The following FRMD4B variants were observed in gnomAD, a reference collection of about 807,000 sequenced individuals.
FRMD4B encodes the protein FERM domain containing 4B.
A neutral mutation model predicts 141.5 loss-of-function variants in FRMD4B; 74 were observed. That is an observed-to-expected ratio of 0.52 (90% confidence interval 0.43 to 0.63). The LOEUF is 0.63. Ranked by LOEUF, FRMD4B falls within the 30% of genes least tolerant of loss-of-function variation. The probability of loss-of-function intolerance (pLI) is 0.00; values close to 1 mark genes in which losing one functional copy is unlikely to be tolerated. For missense variants in FRMD4B, 1,366 were observed against 1,253.4 expected (o/e 1.09, Z -1.36); for synonymous variants, 506 against 467.9 (o/e 1.08, Z -1.05).
upstream of FRMD4B, chr3:69,386,261 T>G: frequency 3.0e-6 from 1 of 338,520 alleles, no homozygotes; most frequent in South Asian, 1.0e-4. Flanking sequence ...TGTGCTAAGC[T>G]CCACCAAGCT....
chr3:69,247,570 T>G (rs150654285), intron 7 of FRMD4B, among the ~76,000 whole-genome samples: 3,026 of 152,298 alleles, frequency 0.02, 94 homozygotes, highest in Admixed American at 0.071. Context: ...CACTGCAACC[T>G]TCGCCTCCCA....
intron 22 of FRMD4B, among the ~76,000 whole-genome samples, chr3:69,173,189 G>T (rs1314260171): frequency 6.6e-6 from 1 of 152,040 alleles, no homozygotes; most frequent in Non-Finnish European, 1.5e-5. Flanking sequence ...GGAGGTGAAA[G>T]AAAAAAGTTA....
At chr3:69,327,118 T>C (rs150984489) in intron 1 of FRMD4B, among the ~76,000 whole-genome samples, 1 of 152,316 alleles carries the variant, frequency 6.6e-6, no homozygotes, top group Non-Finnish European at 1.5e-5. Context: ...ATGAAAGTTC[T>C]CCAGTTGCCT....
intron 1 of FRMD4B, among the ~76,000 whole-genome samples, chr3:69,475,850 C>T (rs900921079): frequency 6.6e-5 from 10 of 151,802 alleles, no homozygotes; most frequent in African/African-American, 2.4e-4. Flanking sequence ...TATTTCTCCA[C>T]ATCCTCTCCA....
Position 69,287,808 on chromosome 3 carries a change from T to C in FRMD4B, c.445A>G (p.Lys149Glu). Reference sequence around the variant, plus strand: ...AACAGCTCCACGGTGGTTTTATCCTTTAAAAACGATATGCTCTCAATGTAA... The same window carrying C: ...AACAGCTCCACGGTGGTTTTATCCTCTAAAAACGATATGCTCTCAATGTAA... ...RFYIESISFL[K>E]DKTTVELFFL... Residue 149 changes from lysine to glutamate, a missense_variant, in exon 5 of 23, where the codon AAG becomes GAG. Physicochemically the swap from Lys to Glu is moderately conservative, Grantham distance 56. Coordinates refer to ENST00000398540, the MANE Select transcript of FRMD4B (RefSeq NM_015123.3). The C allele has an allele frequency of 6.3e-7, 1 of 1,591,288 alleles. No individual in the cohort carries two copies. Among genetic ancestry groups the C allele is most frequent in the Non-Finnish European group, 8.6e-7 (1 of 1,163,250 alleles).
At chr3:69,347,389 T>G (rs978075587) in intron 1 of FRMD4B, among the ~76,000 whole-genome samples, 10 of 152,092 alleles carry the variant, frequency 6.6e-5, no homozygotes, top group Non-Finnish European at 1.2e-4. Flanking sequence ...AATGGGAGAT[T>G]TTAACACTCC....
At chr3:69,295,939 C>T (rs895603735) in intron 4 of FRMD4B, among the ~76,000 whole-genome samples, 4 of 152,158 alleles carry the variant, frequency 2.6e-5, no homozygotes, top group Admixed American at 6.5e-5. Flanking sequence ...GCCTCAGCCT[C>T]CCGCGTAGCT....
intron 1 of FRMD4B, among the ~76,000 whole-genome samples, chr3:69,449,073 T>G (rs900241401): frequency 1.3e-5 from 2 of 152,142 alleles, no homozygotes; most frequent in African/African-American, 4.8e-5. Flanking sequence ...AAAATTAATA[T>G]TCAACAGGCT....
At chr3:69,185,330 G>GAAA (rs1559694051) in intron 19 of FRMD4B, among the ~76,000 whole-genome samples, 3 of 150,688 alleles carry the variant, frequency 2.0e-5, no homozygotes, top group East Asian at 1.9e-4. Context: ...AAGAAAAAAA[G>GAAA]AAGAAACATA....
chr3:69,310,172 C>T (rs577330526), intron 3 of FRMD4B, among the ~76,000 whole-genome samples: 39 of 152,276 alleles, frequency 2.6e-4, no homozygotes, highest in African/African-American at 9.4e-4. Context: ...CCTGATAATT[C>T]AGCTGCTTGG....
Position 69,413,803 on chromosome 3 carries a change from T to C in FRMD4B, c.-1+18831A>G, listed in dbSNP as rs569627061. 5.9e-5 allele frequency among the ~76,000 whole-genome samples: 9 copies of C among 152,268 alleles called. No homozygotes were observed. In the East Asian group the frequency reaches 1.7e-3, roughly 29 times the overall value. ...GAAGACAATACAACCCTGCATCTCC[T>C]ATGCCGGGAGCTGCAGAGAAGTGCG... On this transcript the variant is annotated intron_variant, in intron 2 of 5. Coordinates refer to the FRMD4B transcript ENST00000459638.
chr3:69,369,922 G>A (rs1432385456), intron 1 of FRMD4B, among the ~76,000 whole-genome samples: 4 of 152,104 alleles, frequency 2.6e-5, no homozygotes, highest in Admixed American at 6.5e-5. Flanking sequence ...GGCAGATTCC[G>A]TCATTATTTG....
chr3:69,439,189 T>G (rs1294779170), intron 1 of FRMD4B, among the ~76,000 whole-genome samples: 1 of 152,244 alleles, frequency 6.6e-6, no homozygotes, highest in Non-Finnish European at 1.5e-5. Context: ...ATCTAGATTA[T>G]TAACTGTTGC....
At chr3:69,211,371 G>A (rs1321283930) in intron 11 of FRMD4B, among the ~76,000 whole-genome samples, 1 of 152,094 alleles carries the variant, frequency 6.6e-6, no homozygotes, top group Non-Finnish European at 1.5e-5. Context: ...CTGCATCACT[G>A]TACTACACTA....
At chr3:69,287,447 T>C (rs1331182158) in intron 5 of FRMD4B, among the ~76,000 whole-genome samples, 1 of 152,216 alleles carries the variant, frequency 6.6e-6, no homozygotes, top group East Asian at 1.9e-4. Context: ...GTTTTGATTA[T>C]GATCTGATTG....
At chr3:69,254,207 C>G (rs1179223642) in intron 5 of FRMD4B, among the ~76,000 whole-genome samples, 1 of 151,980 alleles carries the variant, frequency 6.6e-6, no homozygotes, top group African/African-American at 2.4e-5. Context: ...CGAGTTCAAG[C>G]GATTCTCCTG....
At chr3:69,299,330 G>A (rs1446411340) in intron 4 of FRMD4B, among the ~76,000 whole-genome samples, 1 of 152,082 alleles carries the variant, frequency 6.6e-6, no homozygotes, top group Admixed American at 6.6e-5. Context: ...TTTACAGAAG[G>A]ACACTCATTC....
chr3:69,203,845 C>A (rs540194176), intron 11 of FRMD4B, among the ~76,000 whole-genome samples: 5 of 152,318 alleles, frequency 3.3e-5, no homozygotes, highest in African/African-American at 1.2e-4. Flanking sequence ...ACATGGAGGG[C>A]AGTCACTTAA....
At chr3:69,535,686 G>A (rs56257752) in intron 1 of FRMD4B, 12 of 326,396 alleles carry the variant, frequency 3.7e-5, no homozygotes, top group African/African-American at 1.5e-4. Context: ...GGCTAGATAC[G>A]TCAGATGAGG....
Sources: allele counts gnomAD v4.1 joint callset (sites outside exome capture counted in the v4.1 genomes callset), GRCh38; gene constraint gnomAD v4.1.1; transcripts MANE v1.5; gene names NCBI Gene and HGNC (gene_info 2026-07-23, HGNC 2026-07-21).